NLGN4Y: variants seen among roughly 807,000 people sequenced by gnomAD.
The protein encoded by NLGN4Y is neuroligin 4 Y-linked, also known as neuroligin-4, Y-linked.
NLGN4Y carries 4 observed loss-of-function variants against 8.4 expected under a neutral mutation model. That is an observed-to-expected ratio of 0.48 (90% CI 0.23 to 1.09). The LOEUF is 1.09. NLGN4Y is among the 50% of genes least tolerant of loss of function. NLGN4Y has a pLI of 0.19. For missense variants in NLGN4Y, 90 were observed against 192.3 expected, an observed-to-expected ratio of 0.47 and a Z score of 3.15; for synonymous variants, 35 against 75.6, an observed-to-expected ratio of 0.46 and a Z score of 2.78.
At chrY:14,753,353 G>T (rs2081048220) in intron 4 of NLGN4Y, among the ~76,000 whole-genome samples, 15 of 30,059 alleles carry the variant, frequency 5.0e-4, no homozygotes, top group Non-Finnish European at 7.9e-4. Flanking sequence ...TGCCCAGGCT[G>T]GTCTCAAACT....
chrY:14,667,311 C>A, intron 2 of NLGN4Y, among the ~76,000 whole-genome samples: 1 of 32,407 alleles, frequency 3.1e-5, no homozygotes, highest in African/African-American at 1.2e-4. Context: ...CACAATTAGA[C>A]AGCAATAAAT....
intron 5 of NLGN4Y, among the ~76,000 whole-genome samples, chrY:14,825,813 G>A: frequency 9.2e-5 from 3 of 32,780 alleles, no homozygotes; most frequent in African/African-American, 3.6e-4. Context: ...AGGGGAAACC[G>A]CAGAAACACA....
chrY:14,556,754 C>T (rs2080211868), intron 1 of NLGN4Y, among the ~76,000 whole-genome samples: 1 of 32,764 alleles, frequency 3.1e-5, no homozygotes, highest in Non-Finnish European at 7.4e-5. Context: ...CTGGAATGAT[C>T]TCCCAATTTC....
intron 1 of NLGN4Y, among the ~76,000 whole-genome samples, chrY:14,570,690 A>C (rs2080265836): frequency 1.3e-3 from 40 of 31,209 alleles, no homozygotes; most frequent in Non-Finnish European, 2.4e-3. Context: ...AGTGTACTGC[A>C]CCCATTTACT....
chrY:14,681,890 C>T (rs963247319), intron 2 of NLGN4Y, among the ~76,000 whole-genome samples: 3 of 33,033 alleles, frequency 9.1e-5, no homozygotes, highest in East Asian at 8.3e-4. Flanking sequence ...TCCCCCCACC[C>T]GCCTGGCCCA....
intron 1 of NLGN4Y, among the ~76,000 whole-genome samples, chrY:14,553,137 CAGAG>C (rs2080199824): frequency 3.0e-5 from 1 of 32,895 alleles, no homozygotes; most frequent in Non-Finnish European, 7.5e-5. Context: ...AATAGACAAA[CAGAG>C]AGCCATATCA....
intron 6 of NLGN4Y, among the ~76,000 whole-genome samples, chrY:14,832,276 G>A: frequency 2.9e-5 from 1 of 34,053 alleles, no homozygotes; most frequent in African/African-American, 1.1e-4. Flanking sequence ...ATGTTAGCAT[G>A]TTTTTGAAGT....
chrY:14,647,349 C>CA (rs2080614554), intron 2 of NLGN4Y, among the ~76,000 whole-genome samples: 1 of 33,735 alleles, frequency 3.0e-5, no homozygotes, highest in Admixed American at 2.7e-4. Context: ...ACCTTTGTCT[C>CA]AATTTCTTTT....
At chrY:14,717,426 G>A (rs2080919468) in intron 2 of NLGN4Y, among the ~76,000 whole-genome samples, 1 of 32,016 alleles carries the variant, frequency 3.1e-5, no homozygotes, top group Admixed American at 2.9e-4. Context: ...TAGTGGTGAA[G>A]GCCTGGAGTC....
chrY:14,610,317 T>G (rs2080461912), intron 1 of NLGN4Y, among the ~76,000 whole-genome samples: 1 of 33,613 alleles, frequency 3.0e-5, no homozygotes, highest in Non-Finnish European at 7.4e-5. Flanking sequence ...TTTTACATCT[T>G]TCTTGCTTTC....
chrY:14,629,361 C>A, intron 2 of NLGN4Y, among the ~76,000 whole-genome samples: 1 of 34,006 alleles, frequency 2.9e-5, no homozygotes, highest in Admixed American at 2.7e-4. Flanking sequence ...TGGCATTCTG[C>A]GTTAGTGAAA....
chrY:14,674,811 A>G (rs2080742610), intron 2 of NLGN4Y, among the ~76,000 whole-genome samples: 1 of 33,688 alleles, frequency 3.0e-5, no homozygotes, highest in Non-Finnish European at 7.4e-5. Context: ...TCTCAGAAGT[A>G]GTATTGAAAA....
upstream of NLGN4Y, among the ~76,000 whole-genome samples, chrY:14,523,112 A>G (rs2080078968): frequency 3.1e-5 from 1 of 32,369 alleles, no homozygotes; most frequent in Non-Finnish European, 7.5e-5. Flanking sequence ...TATTATTATT[A>G]TTATTGGACA....
At chrY:14,730,814 T>C in intron 4 of NLGN4Y, among the ~76,000 whole-genome samples, 1 of 33,538 alleles carries the variant, frequency 3.0e-5, no homozygotes, top group Admixed American at 2.8e-4. Context: ...CTACGGTATA[T>C]ATAATTTATG....
chrY:14,814,092 C>A (rs2043092705), intron 4 of NLGN4Y, among the ~76,000 whole-genome samples: 1 of 32,890 alleles, frequency 3.0e-5, no homozygotes, highest in African/African-American at 1.2e-4. Flanking sequence ...CAGATCTTGT[C>A]ACCTATGGAA....
At chrY:14,753,939 G>A in intron 4 of NLGN4Y, among the ~76,000 whole-genome samples, 1 of 33,131 alleles carries the variant, frequency 3.0e-5, no homozygotes, top group Non-Finnish European at 7.4e-5. Context: ...AGTTTTGGCA[G>A]CAAATTTGAT....
intron 4 of NLGN4Y, among the ~76,000 whole-genome samples, chrY:14,757,562 T>C (rs2150568946): frequency 3.0e-5 from 1 of 33,183 alleles, no homozygotes; most frequent in Non-Finnish European, 7.4e-5. Context: ...ATTTTGTTTT[T>C]CTTATTTCTA....
intron 3 of NLGN4Y, 137 bp downstream of exon 3, chrY:14,719,655 C>T: frequency 1.1e-5 from 1 of 92,806 alleles, no homozygotes; most frequent in Non-Finnish European, 2.0e-5. Context: ...TTATTTTCTT[C>T]TTGTATAGAA....
At chrY:14,664,303 C>T (rs1025417201) in intron 2 of NLGN4Y, among the ~76,000 whole-genome samples, 1 of 33,072 alleles carries the variant, frequency 3.0e-5, no homozygotes, top group African/African-American at 1.2e-4. Context: ...CACAGATTGC[C>T]GAAGATTGCT....
Sources: gnomAD v4.1 joint callset for allele counts (sites outside exome capture counted in the v4.1 genomes callset) on GRCh38, gnomAD v4.1.1 for gene constraint, MANE v1.5 for transcripts, NCBI Gene and HGNC (gene_info 2026-07-23, HGNC 2026-07-21) for gene names.